The following KDM2A variants were observed in gnomAD, a reference collection of about 807,000 sequenced individuals.
KDM2A encodes the protein lysine demethylase 2A, also known as lysine-specific demethylase 2A.
A neutral mutation model predicts 137.3 loss-of-function variants in KDM2A; 3 were observed. That is an observed-to-expected ratio of 0.02 (90% CI 0.01 to 0.06). KDM2A has a LOEUF of 0.06. Among genes scored for constraint, KDM2A ranks in the 10% least tolerant of loss-of-function variants. The pLI is 1.00. For missense variants in KDM2A, 738 were observed against 1,510.6 expected (o/e 0.49, Z 8.48); for synonymous variants, 512 against 541.5 (o/e 0.95, Z 0.76).
chr11:67,141,682 AATATATAT>A lies in KDM2A; in HGVS notation c.42+20342_42+20349del, dbSNP rs200949810. Among the ~76,000 whole-genome samples, 87 of 119,318 alleles carry A rather than the reference AATATATAT, an allele frequency of 7.3e-4. 2 individuals carry two copies. Among genetic ancestry groups the A allele is most frequent in the African/African-American group, 1.7e-3 (53 of 30,878 alleles). The allele number at this position is 119,318 out of a possible 152,430, so 78.3% of individuals were successfully genotyped here. A position where few individuals can be genotyped will look rare whatever the true frequency, so the allele number is the denominator to read the frequency against. On this transcript the variant is annotated intron_variant, in intron 2 of 20. Transcript: ENST00000529006. The stretch of plus-strand genomic sequence containing the variant: ...ACTCGTTCCAAAAAAAAAAAAAAAA[AATATATAT>A]ATATATATATATATATAAAATTCAT...
At chr11:67,240,711 C>A (rs1209044755) in intron 12 of KDM2A, among the ~76,000 whole-genome samples, 1 of 152,210 alleles carries the variant, frequency 6.6e-6, no homozygotes, top group Non-Finnish European at 1.5e-5. Flanking sequence ...TCCACCCCCG[C>A]TCTCCTATCC....
chr11:67,148,066 TTAAAG>T, intron 2 of KDM2A, among the ~76,000 whole-genome samples: 1 of 152,204 alleles, frequency 6.6e-6, no homozygotes, highest in Middle Eastern at 3.4e-3. Context: ...ATTGATTGAC[TTAAAG>T]TATTTACTAG....
chr11:67,173,942 C>CTTCTT (rs1420935026), intron 2 of KDM2A, among the ~76,000 whole-genome samples: 5 of 152,092 alleles, frequency 3.3e-5, no homozygotes, highest in Admixed American at 6.5e-5. Flanking sequence ...GAGCTCCTGG[C>CTTCTT]TTCAGAAAGT....
chr11:67,209,934 C>A (rs1473018225), intron 6 of KDM2A, among the ~76,000 whole-genome samples: 1 of 152,074 alleles, frequency 6.6e-6, no homozygotes, highest in African/African-American at 2.4e-5. Flanking sequence ...GTGGCATGCA[C>A]CTGTAGTCCT....
intron 10 of KDM2A, among the ~76,000 whole-genome samples, chr11:67,221,244 A>G (rs1193442750): frequency 6.6e-6 from 1 of 152,212 alleles, no homozygotes; most frequent in Admixed American, 6.5e-5. Context: ...GATGTTTGTA[A>G]GTTACTCTCA....
intron 10 of KDM2A, among the ~76,000 whole-genome samples, chr11:67,223,992 G>A (rs1858451034): frequency 6.6e-6 from 1 of 152,164 alleles, no homozygotes; most frequent in African/African-American, 2.4e-5. Context: ...AGCCACATAA[G>A]AAACCAGAAT....
chr11:67,218,204 A>G (rs1858229727), intron 9 of KDM2A, among the ~76,000 whole-genome samples: 2 of 152,200 alleles, frequency 1.3e-5, no homozygotes, highest in African/African-American at 4.8e-5. Context: ...ATCTATGTTG[A>G]AGAACTGCCT....
intron 1 of KDM2A, 31 bp from the exon 2 acceptor site, chr11:67,121,203 T>C: frequency 7.9e-6 from 6 of 759,518 alleles, no homozygotes; most frequent in Non-Finnish European, 1.4e-5. Flanking sequence ...GAGAATGAGT[T>C]CTCATTTCTG....
chr11:67,186,429 C>T (rs970292193), intron 5 of KDM2A, among the ~76,000 whole-genome samples: 14 of 152,084 alleles, frequency 9.2e-5, no homozygotes, highest in Admixed American at 6.6e-5. Context: ...TCAAAAGGGG[C>T]GAGAGATTAA....
rs200949810 is a variant in KDM2A, at chr11:67,141,682, A to AAT, written c.42+20348_42+20349dup. 4.9e-3 allele frequency among the ~76,000 whole-genome samples: 579 copies of AAT among 119,190 alleles called. 1 individual carries two copies. Among genetic ancestry groups the AAT allele is most frequent in the Non-Finnish European group, 7.2e-3 (446 of 61,794 alleles). The allele number at this position is 119,190 out of a possible 152,430, so 78.2% of individuals were successfully genotyped here. A position where few individuals can be genotyped will look rare whatever the true frequency, so the allele number is the denominator to read the frequency against. On this transcript the variant is annotated intron_variant, in intron 2 of 20. Transcript: ENST00000529006. ...ACTCGTTCCAAAAAAAAAAAAAAAA[A>AAT]ATATATATATATATATATATATATA...
chr11:67,185,090 A>G (rs761138261), intron 5 of KDM2A, among the ~76,000 whole-genome samples: 7 of 152,212 alleles, frequency 4.6e-5, no homozygotes, highest in African/African-American at 4.8e-5. Flanking sequence ...ATGCTCAGAA[A>G]ACTAAGGAAT....
At chr11:67,235,198 G>T (rs949038269) in intron 12 of KDM2A, among the ~76,000 whole-genome samples, 1 of 151,794 alleles carries the variant, frequency 6.6e-6, no homozygotes, top group Non-Finnish European at 1.5e-5. Context: ...CGGTAAACTG[G>T]TAAAGCTATC....
At chr11:67,127,738 G>C (rs757421080) in intron 2 of KDM2A, among the ~76,000 whole-genome samples, 1 of 151,850 alleles carries the variant, frequency 6.6e-6, no homozygotes, top group African/African-American at 2.4e-5. Flanking sequence ...ATGGAGTTTT[G>C]CTCTTGTTGC....
chr11:67,231,151 C>A (rs1280721877), intron 11 of KDM2A, among the ~76,000 whole-genome samples: 1 of 152,062 alleles, frequency 6.6e-6, no homozygotes, highest in South Asian at 2.1e-4. Context: ...TGGGGTCTCA[C>A]TATGTTGCCC....
At chr11:67,227,410 T>C (rs573643689) in intron 10 of KDM2A, among the ~76,000 whole-genome samples, 2 of 152,284 alleles carry the variant, frequency 1.3e-5, no homozygotes, top group South Asian at 2.1e-4. Context: ...GGGGCAAATA[T>C]AGTAAAGCAA....
chr11:67,180,035 T>C, intron 2 of KDM2A, 44 bp from the exon 3 acceptor site: 1 of 1,580,358 alleles, frequency 6.3e-7, no homozygotes, highest in Non-Finnish European at 8.6e-7. Flanking sequence ...TAGGTAGGCA[T>C]GAAAAAGTGC....
chr11:67,148,543 G>A (rs1856309442), intron 2 of KDM2A, among the ~76,000 whole-genome samples: 1 of 152,102 alleles, frequency 6.6e-6, no homozygotes, highest in Non-Finnish European at 1.5e-5. Context: ...GCTCATGCCT[G>A]TAATCCCAGC....
At chr11:67,165,310 C>T (rs12285720) in intron 2 of KDM2A, among the ~76,000 whole-genome samples, 6 of 151,826 alleles carry the variant, frequency 4.0e-5, no homozygotes, top group African/African-American at 9.7e-5. Flanking sequence ...TTAGTAGAGA[C>T]GAGGTTTCTC....
At position 67,157,127 on chromosome 11, in the gene KDM2A, C is replaced by T. The variant is rs192188356; in HGVS notation, c.43-22952C>T. Among the ~76,000 whole-genome samples the T allele has an allele frequency of 3.8e-4, 58 of 151,818 alleles. No individual in the cohort carries two copies. In the East Asian group the frequency reaches 0.01, roughly 27 times the overall value. On this transcript the variant is annotated intron_variant, in intron 2 of 20. Transcript: ENST00000529006. Reference sequence around the variant, plus strand: ...AGGAGATAGAGACCATCCTGGCTAACACGGTGAAACCCCGTCTCTACTAAA... The same window carrying T: ...AGGAGATAGAGACCATCCTGGCTAATACGGTGAAACCCCGTCTCTACTAAA...
Sources: allele counts gnomAD v4.1 joint callset (sites outside exome capture counted in the v4.1 genomes callset), GRCh38; gene constraint gnomAD v4.1.1; transcripts MANE v1.5; gene names NCBI Gene and HGNC (gene_info 2026-07-23, HGNC 2026-07-21).